CNPPD1: variants seen among roughly 807,000 people sequenced by gnomAD.
CNPPD1 encodes protein CNPPD1.
CNPPD1 carries 40 observed loss-of-function variants against 43.7 expected under a neutral mutation model. That is an observed-to-expected ratio of 0.92 (90% CI 0.71 to 1.19). The LOEUF (loss-of-function observed/expected upper bound fraction) is 1.19. CNPPD1 is among the 50% of genes most tolerant of loss of function. The probability of loss-of-function intolerance (pLI) is 0.00; values close to 1 mark genes in which losing one functional copy is unlikely to be tolerated. For synonymous variants in CNPPD1, 208 were observed against 214.3 expected (o/e 0.97, Z 0.26); for missense variants, 511 against 518.5 (o/e 0.99, Z 0.14).
At position 219,174,797 on chromosome 2, in the gene CNPPD1, C is replaced by A. The variant is rs1198739751; in HGVS notation, c.491G>T (p.Arg164Met). The A allele has an allele frequency of 1.2e-6, 2 of 1,605,904 alleles. No individual in the cohort carries two copies. Among genetic ancestry groups the A allele is most frequent in the African/African-American group, 1.3e-5 (1 of 74,760 alleles). The change falls in exon 5 of 8, where the codon AGG becomes ATG. Residue 164 changes from arginine (R) to methionine (M), a missense_variant. Coordinates refer to ENST00000360507, the MANE Select transcript of CNPPD1 (RefSeq NM_015680.6). ...VAVPTLNALE[R>M]GFLSAMDWHL... ...GCTCACCATGGCACTCAGGAAGCCC[C>A]TCTCCAAGGCATTGAGAGTGGGCAC...
At chr2:219,175,815 C>T in intron 2 of CNPPD1, 143 bp from the exon 3 acceptor site, 1 of 692,814 alleles carries the variant, frequency 1.4e-6, no homozygotes, top group Non-Finnish European at 2.5e-6. Context: ...AGATCAAATT[C>T]TCACACACTG....
rs769797305 is a variant in CNPPD1 at position 219,174,849 on chromosome 2, C to G, written c.439G>C (p.Glu147Gln). Reference protein sequence around the residue: ...EGEEEEVFNDEWGAAGGVAVP... With the variant: ...EGEEEEVFNDQWGAAGGVAVP... ...GCCACACCCCCAGCAGCTCCCCATT[C>G]GTCGTTGAAGACCTCCTCCTCCTCC... is the stretch of plus-strand genomic sequence containing the variant. Residue 147 changes from glutamate to glutamine, a missense_variant, in exon 5 of 8, where the codon GAA becomes CAA. Glu to Gln is a conservative substitution (Grantham distance 29). Transcript: ENST00000360507. The G allele has an allele frequency of 3.1e-6, 5 of 1,614,070 alleles. No homozygotes were observed. The East Asian group carries it at 1.1e-4, about 36-fold the overall frequency.
intron 1 of CNPPD1, 27 bp from the exon 2 acceptor site, chr2:219,176,358 G>A (rs1361011258): frequency 2.6e-6 from 4 of 1,534,296 alleles, no homozygotes; most frequent in East Asian, 2.3e-5. Context: ...GCAGCGGAGG[G>A]TGAAGGGCAC....
intron 5 of CNPPD1, 75 bp downstream of exon 5, chr2:219,174,703 G>C: frequency 6.6e-7 from 1 of 1,508,116 alleles, no homozygotes; most frequent in South Asian, 1.3e-5. Flanking sequence ...ACAGAAGACT[G>C]AGAGAGAACA....
chr2:219,177,936 C>G (rs563420671), upstream of CNPPD1: 3 of 153,014 alleles, frequency 2.0e-5, no homozygotes, highest in Non-Finnish European at 4.4e-5. Context: ...CCCGAGCGAG[C>G]AGAAGCAGAC....
Position 219,175,575 on chromosome 2 carries a change from T to C in CNPPD1, c.260+16A>G. On this transcript the variant is annotated intron_variant, in intron 3 of 7. Transcript: ENST00000360507. Reference sequence around the variant, plus strand: ...GGGCCCAAACACTCTCATCCTATCCTCATTTCCAGGCTCACCGGGACACAT... The same window carrying C: ...GGGCCCAAACACTCTCATCCTATCCCCATTTCCAGGCTCACCGGGACACAT... 4 of 1,606,246 alleles carry C rather than the reference T, an allele frequency of 2.5e-6. No homozygotes were observed. The highest frequency in any genetic ancestry group is 2.6e-6 in the Non-Finnish European group (3 of 1,173,034).
In CNPPD1 at chr2:219,175,638, G is replaced by C; in HGVS notation, c.213C>G (p.Pro71=). ...TCTTCTGGAGTCGGCGAATAGGGCTGGGGGCTGCCTTCTGGAGCAGTTCGA... is the reference window on the plus strand; with the variant it reads ...TCTTCTGGAGTCGGCGAATAGGGCTCGGGGCTGCCTTCTGGAGCAGTTCGA... ...IAVELLQKAA[P]SPIRRLQKKY... is the part of the protein sequence containing the mutation. Residue 71 remains proline (P), a synonymous_variant, in exon 3 of 8, where the codon CCC becomes CCG. Transcript: ENST00000360507. The C allele has an allele frequency of 2.5e-6, 4 of 1,613,620 alleles. No homozygotes were observed. The highest frequency in any genetic ancestry group is 3.4e-6 in the Non-Finnish European group (4 of 1,179,658).
intron 3 of CNPPD1, 113 bp downstream of exon 3, chr2:219,175,478 C>CA: frequency 1.0e-6 from 1 of 992,330 alleles, no homozygotes; most frequent in Non-Finnish European, 1.5e-6. Flanking sequence ...GCCTGGGTGA[C>CA]AAAGTGAGAC....
At chr2:219,175,260 GAAGA>G in intron 3 of CNPPD1, 152 bp from the exon 4 acceptor site, 1 of 1,036,626 alleles carries the variant, frequency 9.6e-7, no homozygotes, top group Non-Finnish European at 1.4e-6. Flanking sequence ...CAGCACTTTG[GAAGA>G]CCAAGGTGGG....
At chr2:219,175,291 G>GT (rs1950141323) in intron 3 of CNPPD1, among the ~76,000 whole-genome samples, 183 bp from the exon 4 acceptor site, 1 of 152,166 alleles carries the variant, frequency 6.6e-6, no homozygotes, top group South Asian at 2.1e-4. Context: ...GACACCAGGA[G>GT]TTTGACACCA....
chr2:219,177,117 A>G (rs942357376), upstream of CNPPD1: 1 of 348,166 alleles, frequency 2.9e-6, no homozygotes, highest in African/African-American at 2.1e-5. Context: ...GCGGAGCAGA[A>G]AGGAGATGCG....
At position 219,172,692 on chromosome 2, in the gene CNPPD1, G is replaced by C. The variant is rs767246793; in HGVS notation, c.1127C>G (p.Pro376Arg). Residue 376 changes from proline (P) to arginine (R), a missense_variant, in exon 8 of 8, where the codon CCC becomes CGC. Coordinates refer to ENST00000360507, the MANE Select transcript of CNPPD1 (RefSeq NM_015680.6). ...AAGGAGCACCGGGCTCCAAGGCCAG[G>C]GGGGAGCCAGGCCATAGGTATGGTA... is the stretch of plus-strand genomic sequence containing the variant. ...PWYHTYGLAP[P>R]WPWSPVLLSL... 30 of 1,613,898 alleles carry C rather than the reference G, an allele frequency of 1.9e-5. No homozygotes were observed. Among genetic ancestry groups the C allele is most frequent in the South Asian group, 1.8e-4 (16 of 91,086 alleles).
chr2:219,176,313 T>C lies in CNPPD1; in HGVS notation c.88A>G (p.Lys30Glu). The stretch of plus-strand genomic sequence containing the variant: ...CTCCTTCGGATCCGGGCACTCAGCT[T>C]CTGGTGTCCTGGGAGGAACTGAAAC... Reference protein sequence around the residue: ...QDFTFLPGHQKLSARIRRRLY... With the variant: ...QDFTFLPGHQELSARIRRRLY... The change falls in exon 2 of 8, where the codon AAG becomes GAG. Residue 30 changes from lysine to glutamate, a missense_variant. Coordinates refer to ENST00000360507, the MANE Select transcript of CNPPD1 (RefSeq NM_015680.6). 1.9e-6 allele frequency: 3 copies of C among 1,614,066 alleles called. No individual in the cohort carries two copies. Among genetic ancestry groups the C allele is most frequent in the Non-Finnish European group, 2.5e-6 (3 of 1,179,896 alleles).
rs1950177579 is a variant in CNPPD1, at chr2:219,176,901, T to C, written c.-73A>G. 1 of 1,304,360 alleles carries C rather than the reference T, an allele frequency of 7.7e-7. No homozygotes were observed. Among genetic ancestry groups the C allele is most frequent in the South Asian group, 1.4e-5 (1 of 74,046 alleles). The allele number at this position is 1,304,360 out of a possible 1,614,324, so 80.8% of individuals were successfully genotyped here. On this transcript the variant is annotated 5_prime_UTR_variant, in exon 1 of 8. Transcript: ENST00000360507. ...TGTAGGGGGCTCGCGGAGCTGTCCT[T>C]GCCCGCCTGTCCACCTGCCAGCCTG...
intron 1 of CNPPD1, 100 bp downstream of exon 1, chr2:219,176,660 G>T: frequency 2.1e-6 from 2 of 945,740 alleles, no homozygotes; most frequent in Non-Finnish European, 3.2e-6. Context: ...TCGAGCAGCT[G>T]CCGCCCAGTC....
upstream of CNPPD1, chr2:219,177,699 TC>T (rs1241884661): frequency 6.6e-6 from 1 of 151,990 alleles, no homozygotes; most frequent in Non-Finnish European, 1.5e-5. Flanking sequence ...GAAACCCACC[TC>T]CCGCCTCCGA....
At chr2:219,174,654 C>G in intron 5 of CNPPD1, 124 bp downstream of exon 5, 1 of 1,362,610 alleles carries the variant, frequency 7.3e-7, no homozygotes, top group Non-Finnish European at 9.9e-7. Flanking sequence ...GACACTAACA[C>G]AAAGGCAGGA....
intron 5 of CNPPD1, 119 bp from the exon 6 acceptor site, chr2:219,174,326 A>G (rs1327230288): frequency 8.2e-6 from 8 of 979,582 alleles, no homozygotes; most frequent in East Asian, 2.4e-5. Flanking sequence ...GGCACTTACC[A>G]TGTGCCAGAT....
Position 219,172,745 on chromosome 2 carries a change from T to G in CNPPD1, c.1074A>C (p.Thr358=). 1 of 1,611,882 alleles carries G rather than the reference T, an allele frequency of 6.2e-7. No homozygotes were observed. Among genetic ancestry groups the G allele is most frequent in the Non-Finnish European group, 8.5e-7 (1 of 1,178,916 alleles). Residue 358 remains threonine, a synonymous_variant, in exon 8 of 8, where the codon ACA becomes ACC. Transcript: ENST00000360507. ...TCHACLHPNR[T]VPTALSSPWY... is the part of the protein sequence containing the mutation. The stretch of plus-strand genomic sequence containing the variant: ...AGGGGCTGGACAGCGCAGTGGGGAC[T>G]GTACGGTTGGGGTGGAGGCAGGCAT...
Sources: gnomAD v4.1 joint callset for allele counts (sites outside exome capture counted in the v4.1 genomes callset) on GRCh38, gnomAD v4.1.1 for gene constraint, MANE v1.5 for transcripts, NCBI Gene and HGNC (gene_info 2026-07-23, HGNC 2026-07-21) for gene names.